SPATA16: variants seen among roughly 807,000 people sequenced by gnomAD.
SPATA16 encodes spermatogenesis associated 16.
A neutral mutation model predicts 63.3 loss-of-function variants in SPATA16; 36 were observed. The ratio of observed to expected loss-of-function variants is 0.57; its 90% confidence interval spans 0.44 to 0.75. The LOEUF is 0.75. SPATA16 is among the 30% of genes least tolerant of loss of function. The pLI is 0.00. For missense variants in SPATA16, 646 were observed against 679.3 expected (o/e 0.95, Z 0.54); for synonymous variants, 203 against 216.7 (o/e 0.94, Z 0.56).
At chr3:172,995,442 A>G (rs1734673841) in intron 4 of SPATA16, among the ~76,000 whole-genome samples, 1 of 152,046 alleles carries the variant, frequency 6.6e-6, no homozygotes, top group African/African-American at 2.4e-5. Flanking sequence ...GGATTTTATG[A>G]TTCAGGTAAT....
intron 4 of SPATA16, among the ~76,000 whole-genome samples, chr3:173,010,943 A>G (rs1735058680): frequency 6.6e-6 from 1 of 152,120 alleles, no homozygotes; most frequent in African/African-American, 2.4e-5. Flanking sequence ...ATCAGTAATA[A>G]AAAACCTACC....
At chr3:173,108,754 C>T (rs2108330382) in intron 2 of SPATA16, among the ~76,000 whole-genome samples, 1 of 152,162 alleles carries the variant, frequency 6.6e-6, no homozygotes, top group East Asian at 1.9e-4. Flanking sequence ...TTTTTCATAC[C>T]TTATTTTCAC....
At chr3:172,950,578 A>G (rs1028300228) in intron 6 of SPATA16, among the ~76,000 whole-genome samples, 1 of 152,180 alleles carries the variant, frequency 6.6e-6, no homozygotes, top group Admixed American at 6.5e-5. Context: ...ACTCTTGATC[A>G]TGATAAAATT....
chr3:173,080,629 T>A (rs1703649380), intron 2 of SPATA16, among the ~76,000 whole-genome samples: 1 of 152,208 alleles, frequency 6.6e-6, no homozygotes, highest in Non-Finnish European at 1.5e-5. Flanking sequence ...GTCAAAATTA[T>A]ATTTGATGAC....
chr3:173,126,405 A>C (rs956132839), intron 1 of SPATA16, among the ~76,000 whole-genome samples: 5 of 152,222 alleles, frequency 3.3e-5, no homozygotes, highest in Non-Finnish European at 7.3e-5. Context: ...ATTTCCTCTT[A>C]AAACATAAAT....
At chr3:173,106,571 A>G (rs1322841000) in intron 2 of SPATA16, among the ~76,000 whole-genome samples, 2 of 152,194 alleles carry the variant, frequency 1.3e-5, no homozygotes, top group Non-Finnish European at 2.9e-5. Context: ...TCCATTTGTC[A>G]TAACTTTCCT....
chr3:172,976,481 C>T (rs988499000), intron 5 of SPATA16, among the ~76,000 whole-genome samples: 1 of 152,004 alleles, frequency 6.6e-6, no homozygotes, highest in Non-Finnish European at 1.5e-5. Context: ...TGACTTCTTG[C>T]TGCCATTTTG....
chr3:172,908,765 C>T (rs1732296574), intron 10 of SPATA16, among the ~76,000 whole-genome samples: 1 of 152,046 alleles, frequency 6.6e-6, no homozygotes, highest in Non-Finnish European at 1.5e-5. Context: ...TTACAGATAA[C>T]AGATCTCAGA....
intron 6 of SPATA16, among the ~76,000 whole-genome samples, chr3:172,950,600 A>G (rs752280397): frequency 3.3e-5 from 5 of 152,166 alleles, no homozygotes; most frequent in Non-Finnish European, 7.3e-5. Context: ...CAATAATTTA[A>G]AGAAGAAAGA....
chr3:173,059,131 T>C (rs1027779329), intron 2 of SPATA16, among the ~76,000 whole-genome samples: 1 of 152,138 alleles, frequency 6.6e-6, no homozygotes, highest in African/African-American at 2.4e-5. Context: ...CTTAGCACTT[T>C]GTAGTTTTGT....
intron 4 of SPATA16, among the ~76,000 whole-genome samples, chr3:172,986,633 G>A (rs1177670065): frequency 6.6e-6 from 1 of 152,140 alleles, no homozygotes; most frequent in East Asian, 1.9e-4. Flanking sequence ...AGGAGGAAGA[G>A]CAGGAAACTC....
chr3:172,908,758 C>T lies in SPATA16; in HGVS notation c.1587+4903G>A, dbSNP rs567817817. On this transcript the variant is annotated intron_variant, in intron 10 of 10. Coordinates refer to ENST00000351008, the MANE Select transcript of SPATA16 (RefSeq NM_031955.6). ...TTAGTTACAACAGCTGTTTCTATTA[C>T]AGATAACAGATCTCAGAGGTGGTGA... is the stretch of plus-strand genomic sequence containing the variant. 5.9e-5 allele frequency among the ~76,000 whole-genome samples: 9 copies of T among 152,234 alleles called. No homozygotes were observed. The South Asian group carries it at 8.3e-4, about 14-fold the overall frequency.
At chr3:173,136,324 T>C (rs1216819002) in intron 1 of SPATA16, among the ~76,000 whole-genome samples, 2 of 152,190 alleles carry the variant, frequency 1.3e-5, no homozygotes, top group African/African-American at 2.4e-5. Flanking sequence ...TTTTTACTTT[T>C]ATTTTTATGC....
At chr3:173,012,550 A>T (rs1735095425) in intron 4 of SPATA16, among the ~76,000 whole-genome samples, 1 of 152,224 alleles carries the variant, frequency 6.6e-6, no homozygotes, top group African/African-American at 2.4e-5. Flanking sequence ...ACAGTAAGCA[A>T]AACAGCATAG....
intron 4 of SPATA16, among the ~76,000 whole-genome samples, chr3:173,008,112 A>C (rs1442082820): frequency 6.6e-6 from 1 of 152,174 alleles, no homozygotes; most frequent in Admixed American, 6.6e-5. Flanking sequence ...CTGTTGAGAC[A>C]TTAAACTACA....
At chr3:172,982,118 CTTAT>C (rs758060368) in intron 4 of SPATA16, among the ~76,000 whole-genome samples, 19 of 152,176 alleles carry the variant, frequency 1.2e-4, no homozygotes, top group Admixed American at 2.6e-4. Flanking sequence ...TACACATTAT[CTTAT>C]TTATTTATAT....
At chr3:173,133,510 T>A (rs376227069) in intron 1 of SPATA16, among the ~76,000 whole-genome samples, 1 of 152,140 alleles carries the variant, frequency 6.6e-6, no homozygotes, top group East Asian at 1.9e-4. Context: ...CCGGCCACAC[T>A]CTCTCCTCAG....
intron 6 of SPATA16, among the ~76,000 whole-genome samples, chr3:172,939,868 T>C (rs1043417582): frequency 5.9e-5 from 9 of 151,964 alleles, no homozygotes; most frequent in Non-Finnish European, 1.2e-4. Flanking sequence ...ACTATGTGAT[T>C]AGAGGCTTGG....
chr3:173,099,768 A>G (rs1438255677), intron 2 of SPATA16, among the ~76,000 whole-genome samples: 2 of 152,216 alleles, frequency 1.3e-5, no homozygotes, highest in African/African-American at 2.4e-5. Context: ...GGGTGAGCTG[A>G]TGATTGACCC....
Sources: allele counts gnomAD v4.1 joint callset (sites outside exome capture counted in the v4.1 genomes callset), GRCh38; gene constraint gnomAD v4.1.1; transcripts MANE v1.5; gene names NCBI Gene and HGNC (gene_info 2026-07-23, HGNC 2026-07-21).